The following FARP1 variants were observed in gnomAD, a reference collection of about 807,000 sequenced individuals.
FARP1 encodes FERM, ARHGEF and pleckstrin domain-containing protein 1.
Under a neutral mutation model 128.8 loss-of-function variants are expected in FARP1, and 52 were observed. The observed-to-expected ratio is 0.40, with a 90% CI of 0.32 to 0.51. The LOEUF is 0.51. Among genes scored for constraint, FARP1 ranks in the 20% least tolerant of loss-of-function variants. The pLI is 0.45. For missense variants in FARP1, 1,333 were observed against 1,367.9 expected, an observed-to-expected ratio of 0.97 and a Z score of 0.40; for synonymous variants, 580 against 551.8, an observed-to-expected ratio of 1.05 and a Z score of -0.72.
chr13:98,205,603 CA>C (rs1349131766), intron 1 of FARP1, among the ~76,000 whole-genome samples: 2 of 152,136 alleles, frequency 1.3e-5, no homozygotes, highest in Non-Finnish European at 2.9e-5. Flanking sequence ...CTGTGTTAGC[CA>C]GGGTGGTCTC....
chr13:98,285,749 T>C (rs535903310), intron 2 of FARP1, among the ~76,000 whole-genome samples: 1 of 152,248 alleles, frequency 6.6e-6, no homozygotes, highest in East Asian at 1.9e-4. Context: ...GTCTTAAGAG[T>C]TGAAAATAAA....
chr13:98,431,179 T>C lies in FARP1; in HGVS notation c.2042T>C (p.Phe681Ser). The C allele has an allele frequency of 6.2e-7, 1 of 1,613,658 alleles. No homozygotes were observed. The highest frequency in any genetic ancestry group is 2.2e-5 in the East Asian group (1 of 44,848). Reference protein sequence around the residue: ...QKVCYLPLNTFLLRPLHRLMH... With the variant: ...QKVCYLPLNTSLLRPLHRLMH... ...GTGTGTTACCTACCGCTCAACACCTTCCTCCTGCGGCCACTGCACCGGCTC... is the reference window on the plus strand; with the variant it reads ...GTGTGTTACCTACCGCTCAACACCTCCCTCCTGCGGCCACTGCACCGGCTC... Residue 681 changes from phenylalanine to serine, a missense_variant, in exon 18 of 27, where the codon TTC (phenylalanine) becomes TCC (serine). Phe to Ser is a radical substitution (Grantham distance 155). Transcript: ENST00000319562.
At chr13:98,224,253 C>T (rs567016577) in intron 2 of FARP1, among the ~76,000 whole-genome samples, 7 of 152,216 alleles carry the variant, frequency 4.6e-5, no homozygotes, top group East Asian at 1.9e-4. Context: ...TACGGCCAGG[C>T]GTGGTGGCTC....
At chr13:98,289,056 T>C (rs1885330562) in intron 2 of FARP1, among the ~76,000 whole-genome samples, 1 of 151,854 alleles carries the variant, frequency 6.6e-6, no homozygotes. Context: ...CGATACCGTG[T>C]ACTCAAATAT....
chr13:98,378,517 A>G (rs1038248006), intron 6 of FARP1, among the ~76,000 whole-genome samples: 3 of 152,158 alleles, frequency 2.0e-5, no homozygotes, highest in African/African-American at 7.2e-5. Context: ...AAATATACAC[A>G]TTATGTTTCA....
intron 8 of FARP1, among the ~76,000 whole-genome samples, chr13:98,386,258 A>G (rs1461928516): frequency 2.7e-5 from 4 of 145,940 alleles, no homozygotes; most frequent in Non-Finnish European, 5.9e-5. Flanking sequence ...CTTCAGATAT[A>G]CTTAAAGAGT....
At chr13:98,185,523 G>A (rs2139215901) in intron 1 of FARP1, among the ~76,000 whole-genome samples, 1 of 152,218 alleles carries the variant, frequency 6.6e-6, no homozygotes, top group South Asian at 2.1e-4. Flanking sequence ...CTGCTCTTTA[G>A]TATGTAATTT....
intron 2 of FARP1, among the ~76,000 whole-genome samples, chr13:98,319,312 TTTA>T (rs953171315): frequency 7.8e-5 from 10 of 128,504 alleles, no homozygotes; most frequent in African/African-American, 3.0e-4. Context: ...AATAATATAA[TTTA>T]TTATAGAAAA....
rs1180853364 is a variant in FARP1 at position 98,439,098 on chromosome 13, T to C, written c.2344-9T>C. 1.2e-6 allele frequency: 2 copies of C among 1,611,032 alleles called. No individual in the cohort carries two copies. The highest frequency in any genetic ancestry group is 2.7e-5 in the African/African-American group (2 of 74,884). ...TGGTCTCACCTCCACACACTTCTGA[T>C]TCCTCCAGTTCAACGACGTCCTGCT... On this transcript the variant is annotated splice_polypyrimidine_tract_variant and intron_variant, in intron 20 of 26. Coordinates refer to ENST00000319562, the MANE Select transcript of FARP1 (RefSeq NM_005766.4).
At chr13:98,167,390 T>G (rs1877340418) in intron 1 of FARP1, among the ~76,000 whole-genome samples, 1 of 149,670 alleles carries the variant, frequency 6.7e-6, no homozygotes, top group South Asian at 2.1e-4. Context: ...GATCTGCAAT[T>G]TGAGAACAGT....
intron 1 of FARP1, among the ~76,000 whole-genome samples, chr13:98,148,106 CG>C (rs1566662885): frequency 6.6e-6 from 1 of 152,004 alleles, no homozygotes; most frequent in African/African-American, 2.4e-5. Context: ...CAATAAGGTG[CG>C]GTGGCTCACG....
At chr13:98,214,022 G>A (rs1463272718) in intron 2 of FARP1, among the ~76,000 whole-genome samples, 1 of 152,170 alleles carries the variant, frequency 6.6e-6, no homozygotes, top group Admixed American at 6.5e-5. Context: ...CCCTGCCACC[G>A]CAGGGCCCTG....
At chr13:98,370,736 C>G (rs933091961) in intron 5 of FARP1, among the ~76,000 whole-genome samples, 2 of 152,170 alleles carry the variant, frequency 1.3e-5, no homozygotes, top group African/African-American at 4.8e-5. Context: ...ACATCAGATA[C>G]AGGAATGTGC....
chr13:98,440,132 C>A lies in FARP1; in HGVS notation c.2526C>A (p.Ser842=), dbSNP rs145266208. 7.4e-6 allele frequency: 12 copies of A among 1,613,426 alleles called. No individual in the cohort carries two copies. Among genetic ancestry groups the A allele is most frequent in the Non-Finnish European group, 1.0e-5 (12 of 1,179,550 alleles). Residue 842 remains serine, a synonymous_variant, in exon 23 of 27, where the codon TCC becomes TCA. Transcript: ENST00000319562. ...GCGTCTCTGTCTCCAGTTCTCGGTC[C>A]GAGATGGAGAAGTGGGTTGAGGACA... ...QSIIVAASSR[S]EMEKWVEDIQ...
At chr13:98,290,708 G>C (rs1406201234) in intron 2 of FARP1, among the ~76,000 whole-genome samples, 1 of 152,140 alleles carries the variant, frequency 6.6e-6, no homozygotes, top group Non-Finnish European at 1.5e-5. Context: ...ACATCGTACT[G>C]GTGTAGGTGG....
At chr13:98,268,609 A>G (rs1367494736) in intron 2 of FARP1, among the ~76,000 whole-genome samples, 1 of 152,072 alleles carries the variant, frequency 6.6e-6, no homozygotes, top group South Asian at 2.1e-4. Context: ...CTGGGATTAC[A>G]GGCGCCCACC....
At chr13:98,314,717 C>T (rs574722782) in intron 2 of FARP1, among the ~76,000 whole-genome samples, 1 of 152,304 alleles carries the variant, frequency 6.6e-6, no homozygotes, top group South Asian at 2.1e-4. Flanking sequence ...ATCAGCCAGG[C>T]CCTGCAAATT....
intron 2 of FARP1, among the ~76,000 whole-genome samples, chr13:98,308,055 T>A (rs1886262339): frequency 2.7e-5 from 2 of 73,808 alleles, no homozygotes; most frequent in African/African-American, 8.7e-5. Flanking sequence ...TTTTTTTTTT[T>A]TTTTTTTTTT....
chr13:98,226,572 G>C (rs1371664598), intron 2 of FARP1, among the ~76,000 whole-genome samples: 1 of 151,662 alleles, frequency 6.6e-6, no homozygotes, highest in East Asian at 1.9e-4. Flanking sequence ...AAAAATGGCT[G>C]TGCTGTTGAC....
Sources: gnomAD v4.1 joint callset for allele counts (sites outside exome capture counted in the v4.1 genomes callset) on GRCh38, gnomAD v4.1.1 for gene constraint, MANE v1.5 for transcripts, NCBI Gene and HGNC (gene_info 2026-07-23, HGNC 2026-07-21) for gene names.